The following METTL25 variants were observed in gnomAD, a reference collection of about 807,000 sequenced individuals.
The protein encoded by METTL25 is probable methyltransferase-like protein 25.
Under a neutral mutation model 71.6 loss-of-function variants are expected in METTL25, and 64 were observed. The observed-to-expected ratio is 0.89, with a 90% CI of 0.73 to 1.10. METTL25 has a LOEUF of 1.10. METTL25 is among the 50% of genes least tolerant of loss of function. The probability of loss-of-function intolerance (pLI) is 0.00; values close to 1 mark genes in which losing one functional copy is unlikely to be tolerated. For missense variants in METTL25, 807 were observed against 707.0 expected (o/e 1.14, Z -1.60); for synonymous variants, 287 against 250.3 (o/e 1.15, Z -1.38).
chr12:82,474,919 G>A (rs1892795782), intron 9 of METTL25, among the ~76,000 whole-genome samples: 1 of 152,180 alleles, frequency 6.6e-6, no homozygotes, highest in African/African-American at 2.4e-5. Flanking sequence ...AAAGAGGGAT[G>A]CAGAAAGATG....
chr12:82,478,229 A>T (rs1892990604), intron 11 of METTL25, among the ~76,000 whole-genome samples: 1 of 151,876 alleles, frequency 6.6e-6, no homozygotes, highest in Admixed American at 6.6e-5. Context: ...CCCTTTTCAA[A>T]ACAATCTCCA....
chr12:82,477,077 C>G (rs916287889), intron 10 of METTL25, among the ~76,000 whole-genome samples: 8 of 151,726 alleles, frequency 5.3e-5, no homozygotes, highest in Non-Finnish European at 1.2e-4. Context: ...ACCTCACAGT[C>G]ACTTAAAGGA....
chr12:82,437,477 T>C (rs759149498), intron 7 of METTL25, among the ~76,000 whole-genome samples: 3 of 151,638 alleles, frequency 2.0e-5, no homozygotes, highest in Middle Eastern at 3.2e-3. Flanking sequence ...AGGAAAATGA[T>C]TGACCCTCAG....
chr12:82,437,418 CTG>C (rs1274477235), intron 7 of METTL25, among the ~76,000 whole-genome samples: 1 of 151,584 alleles, frequency 6.6e-6, no homozygotes, highest in African/African-American at 2.4e-5. Context: ...GTCTACAAGT[CTG>C]TGTTCACTAG....
At chr12:82,420,447 G>A (rs1888376535) in intron 5 of METTL25, among the ~76,000 whole-genome samples, 1 of 151,986 alleles carries the variant, frequency 6.6e-6, no homozygotes, top group South Asian at 2.1e-4. Context: ...CTTTACAGGT[G>A]TTGACTTATT....
intron 1 of METTL25, 120 bp downstream of exon 1, chr12:82,358,944 C>A: frequency 8.4e-7 from 1 of 1,197,076 alleles, no homozygotes; most frequent in Non-Finnish European, 1.2e-6. Context: ...CGGGGCGGCC[C>A]GCTGGGAAAC....
chr12:82,396,748 G>A (rs1886118543), intron 3 of METTL25, among the ~76,000 whole-genome samples: 1 of 151,976 alleles, frequency 6.6e-6, no homozygotes, highest in Admixed American at 6.6e-5. Flanking sequence ...AACTTTTCTT[G>A]TGTGATTTTG....
chr12:82,398,099 A>C lies in METTL25; in HGVS notation c.532-696A>C, dbSNP rs1388266926. Among the ~76,000 whole-genome samples, 11 of 152,046 alleles carry C rather than the reference A, an allele frequency of 7.2e-5. No homozygotes were observed. In the East Asian group the frequency reaches 2.1e-3, roughly 29 times the overall value. On this transcript the variant is annotated intron_variant, in intron 3 of 11. Transcript: ENST00000248306. The stretch of plus-strand genomic sequence containing the variant: ...GAGTCCACCATTTCATGAACATAGT[A>C]TATCTCTTTATATCAATTTTTTAGT...
intron 11 of METTL25, among the ~76,000 whole-genome samples, chr12:82,477,700 T>G (rs2137323429): frequency 6.6e-6 from 1 of 151,952 alleles, no homozygotes; most frequent in South Asian, 2.1e-4. Context: ...TTTGTAAGAA[T>G]TTGTCTTTTA....
intron 6 of METTL25, among the ~76,000 whole-genome samples, chr12:82,433,252 A>AT (rs890512385): frequency 8.6e-5 from 13 of 150,682 alleles, no homozygotes; most frequent in South Asian, 2.1e-4. Flanking sequence ...TAAATAGTCT[A>AT]TTTTTTTTTA....
At chr12:82,477,785 G>GT (rs1283027381) in intron 11 of METTL25, among the ~76,000 whole-genome samples, 3 of 151,500 alleles carry the variant, frequency 2.0e-5, no homozygotes, top group Non-Finnish European at 4.4e-5. Context: ...GATTCCTTCT[G>GT]TTTTTTTCAC....
At chr12:82,456,232 A>G (rs1055554147) in intron 8 of METTL25, among the ~76,000 whole-genome samples, 1 of 151,982 alleles carries the variant, frequency 6.6e-6, no homozygotes, top group South Asian at 2.1e-4. Context: ...TACTTTGTGT[A>G]CATTATTAAT....
chr12:82,382,757 C>G (rs561637068), intron 1 of METTL25, among the ~76,000 whole-genome samples: 6 of 152,002 alleles, frequency 3.9e-5, no homozygotes, highest in African/African-American at 1.4e-4. Flanking sequence ...GCTCTGTTGC[C>G]CAGGCTGGAG....
At chr12:82,431,032 T>A in intron 6 of METTL25, 45 bp downstream of exon 6, 1 of 1,323,520 alleles carries the variant, frequency 7.6e-7, no homozygotes, top group Non-Finnish European at 1.1e-6. Context: ...ATCCAGATGT[T>A]GTAGAATTTA....
At position 82,402,998 on chromosome 12, in the gene METTL25, G is replaced by T; in HGVS notation, c.1147G>T (p.Gly383Cys). The stretch of plus-strand genomic sequence containing the variant: ...TATTTTAAAGGATTGTTTGATGGTG[G>T]GTCTCCACACTTGTGGTGATCTGGC... ...IKDLEDCLMVGLHTCGDLAPN... is the reference protein window; with the variant it reads ...IKDLEDCLMVCLHTCGDLAPN... The change falls in exon 5 of 12, where the codon GGT becomes TGT. Residue 383 changes from glycine (G) to cysteine (C), a missense_variant. Gly to Cys is a radical substitution (Grantham distance 159). Transcript: ENST00000248306. The T allele has an allele frequency of 6.2e-7, 1 of 1,600,924 alleles. No individual in the cohort carries two copies.
In METTL25 at chr12:82,389,889, C is replaced by G. The variant is rs10778908; in HGVS notation, c.498C>G (p.Ile166Met). The G allele has an allele frequency of 6.2e-7, 1 of 1,600,166 alleles. No individual in the cohort carries two copies. Among genetic ancestry groups the G allele is most frequent in the Non-Finnish European group, 8.5e-7 (1 of 1,169,762 alleles). ...SHEVQAMSEL[I>M]SSIADYYGIK... ...AAGTTCAGGCAATGTCAGAGCTGAT[C>G]AGCAGTATTGCTGACTACTATGGAA... The change falls in exon 3 of 12, where the codon ATC becomes ATG. Residue 166 changes from isoleucine (I) to methionine (M), a missense_variant. By Grantham distance (10) the Ile-to-Met change is conservative. Transcript: ENST00000248306.
At chr12:82,386,447 C>G (rs1162464073) in intron 1 of METTL25, among the ~76,000 whole-genome samples, 1 of 137,572 alleles carries the variant, frequency 7.3e-6, no homozygotes, top group Admixed American at 7.3e-5. Context: ...CCCTCCCTCC[C>G]TCCCTCCCTC....
chr12:82,457,698 T>C (rs376117418), intron 9 of METTL25, among the ~76,000 whole-genome samples: 1 of 152,012 alleles, frequency 6.6e-6, no homozygotes, highest in Non-Finnish European at 1.5e-5. Flanking sequence ...TAGTAAATGC[T>C]AACTATATGA....
chr12:82,465,263 G>A (rs1892152079), intron 9 of METTL25, among the ~76,000 whole-genome samples: 1 of 151,774 alleles, frequency 6.6e-6, no homozygotes, highest in South Asian at 2.1e-4. Context: ...CCTTTATTAT[G>A]TTGAGGTATG....
Sources: allele counts gnomAD v4.1 joint callset (sites outside exome capture counted in the v4.1 genomes callset), GRCh38; gene constraint gnomAD v4.1.1; transcripts MANE v1.5; gene names NCBI Gene and HGNC (gene_info 2026-07-23, HGNC 2026-07-21).